The following CIB3 variants were observed in gnomAD, a reference collection of about 807,000 sequenced individuals.
The protein encoded by CIB3 is calcium and integrin-binding family member 3.
In CIB3, 22 loss-of-function variants were observed where a neutral mutation model predicts 23.4. The ratio of observed to expected loss-of-function variants is 0.94; its 90% CI spans 0.67 to 1.34. The LOEUF is 1.34. Ranked by LOEUF, CIB3 falls within the 40% of genes most tolerant of loss-of-function variation. The pLI is 0.00. For synonymous variants in CIB3, 93 were observed against 95.8 expected (o/e 0.97, Z 0.17); for missense variants, 258 against 247.3 (o/e 1.04, Z -0.29).
chr19:16,164,275 G>A (rs1412595980), intron 5 of CIB3, among the ~76,000 whole-genome samples: 1 of 152,144 alleles, frequency 6.6e-6, no homozygotes, highest in Non-Finnish European at 1.5e-5. Context: ...CCACCTGGTT[G>A]GAATATTATT....
rs2091313145 is a variant in CIB3 at position 16,168,155 on chromosome 19, A to C, written c.328T>G (p.Tyr110Asp). 1 of 1,609,868 alleles carries C rather than the reference A, an allele frequency of 6.2e-7. No individual in the cohort carries two copies. Among genetic ancestry groups the C allele is most frequent in the East Asian group, 2.2e-5 (1 of 44,832 alleles). Residue 110 changes from tyrosine to aspartate, a missense_variant, in exon 4 of 6, where the codon TAT (tyrosine) becomes GAT (aspartate). Tyr to Asp is a radical substitution (Grantham distance 160). Transcript: ENST00000269878. ...CACGCACCATAAATTTTAAAAGCAT[A>C]GTAAGCCTTGAGGTCGCGGGGAGCC... The part of the protein sequence containing the change: ...EMAPRDLKAY[Y>D]AFKIYDFNND...
rs765716625 is a variant in CIB3, at chr19:16,173,517, C to T, written c.-42G>A. 1.3e-6 allele frequency: 2 copies of T among 1,575,484 alleles called. No homozygotes were observed. Among genetic ancestry groups the T allele is most frequent in the East Asian group, 2.2e-5 (1 of 44,652 alleles). On this transcript the variant is annotated 5_prime_UTR_variant, in exon 1 of 6. Coordinates refer to ENST00000269878, the MANE Select transcript of CIB3 (RefSeq NM_054113.4). ...CAGACTTGGGGATGCACCCCAAAGG[C>T]TCCCAGCTTCCTCGGGGCCACACGG...
intron 4 of CIB3, among the ~76,000 whole-genome samples, chr19:16,165,839 C>A (rs1451734545): frequency 6.6e-6 from 1 of 152,154 alleles, no homozygotes; most frequent in Non-Finnish European, 1.5e-5. Context: ...TGAGCATCTA[C>A]TATGTGTCAG....
intron 4 of CIB3, among the ~76,000 whole-genome samples, chr19:16,165,254 C>T (rs2091301227): frequency 1.5e-5 from 2 of 134,122 alleles, no homozygotes; most frequent in Admixed American, 8.6e-5. Context: ...GATCTCACCA[C>T]TGCACTCCAG....
intron 4 of CIB3, among the ~76,000 whole-genome samples, chr19:16,166,698 T>A (rs2091306975): frequency 1.3e-5 from 2 of 152,236 alleles, no homozygotes; most frequent in South Asian, 4.1e-4. Context: ...GATAACTTTT[T>A]CATTCATTCA....
Position 16,163,642 on chromosome 19 carries a change from A to T in CIB3, c.542+1076T>A, listed in dbSNP as rs1391381616. Among the ~76,000 whole-genome samples the T allele has an allele frequency of 4.6e-5, 7 of 152,368 alleles. No homozygotes were observed. The East Asian group carries it at 1.3e-3, about 29-fold the overall frequency. On this transcript the variant is annotated intron_variant, in intron 5 of 5. Coordinates refer to ENST00000269878, the MANE Select transcript of CIB3 (RefSeq NM_054113.4). ...TTTGTCAATTCAAAAAATAAAAAATAAAGTGAAATTTAAAAATTATAAGAT... is the reference window on the plus strand; with the variant it reads ...TTTGTCAATTCAAAAAATAAAAAATTAAGTGAAATTTAAAAATTATAAGAT...
Position 16,164,663 on chromosome 19 carries a change from G to A in CIB3, c.542+55C>T, listed in dbSNP as rs562507976. The A allele has an allele frequency of 7.8e-5, 116 of 1,491,140 alleles. 2 individuals are homozygous for A. The South Asian group carries it at 8.2e-4, about 11-fold the overall frequency. The allele number at this position is 1,491,140 out of a possible 1,614,324, so 92.4% of individuals were successfully genotyped here. ...GAAACAGAGTCTGTGAACTGTCTGCGTAAGAGCCCCTTCAGATGTGCAAAT... is the reference window on the plus strand; with the variant it reads ...GAAACAGAGTCTGTGAACTGTCTGCATAAGAGCCCCTTCAGATGTGCAAAT... On this transcript the variant is annotated intron_variant, in intron 5 of 5. Transcript: ENST00000269878.
intron 4 of CIB3, 66 bp from the exon 5 acceptor site, chr19:16,164,979 T>C: frequency 7.5e-7 from 1 of 1,337,624 alleles, no homozygotes; most frequent in East Asian, 2.3e-5. Context: ...TGTGGGCACA[T>C]ACTGTGCCCA....
chr19:16,173,397 A>G, intron 1 of CIB3, 28 bp downstream of exon 1: 1 of 1,609,082 alleles, frequency 6.2e-7, no homozygotes, highest in South Asian at 1.1e-5. Context: ...TGTCAAACCC[A>G]CTGAGGACCC....
rs138083978 is a variant in CIB3, at chr19:16,173,446, G to C, written c.30C>G (p.His10Gln). 61 of 1,613,828 alleles carry C rather than the reference G, an allele frequency of 3.8e-5. No individual in the cohort carries two copies. Among genetic ancestry groups the C allele is most frequent in the Non-Finnish European group, 5.0e-5 (59 of 1,179,880 alleles). MGNKQTVFT[H>Q]EQLEAYQDCT... The stretch of plus-strand genomic sequence containing the variant: ...CTACCTGATACGCTTCCAGCTGCTC[G>C]TGTGTGAAGACTGTCTGCTTGTTGC... The change falls in exon 1 of 6, where the codon CAC becomes CAG. Residue 10 changes from histidine to glutamine, a missense_variant. Coordinates refer to ENST00000269878, the MANE Select transcript of CIB3 (RefSeq NM_054113.4).
chr19:16,171,552 G>A (rs2091328342), intron 2 of CIB3, among the ~76,000 whole-genome samples: 1 of 152,130 alleles, frequency 6.6e-6, no homozygotes, highest in South Asian at 2.1e-4. Flanking sequence ...TCCCTGTCGG[G>A]GTCCCATCAG....
intron 4 of CIB3, among the ~76,000 whole-genome samples, chr19:16,165,695 G>C (rs200113451): frequency 1.3e-5 from 2 of 152,048 alleles, no homozygotes; most frequent in Non-Finnish European, 2.9e-5. Context: ...CACCCACCTC[G>C]GTCTCCCAAA....
At chr19:16,169,885 T>G in intron 2 of CIB3, 144 bp from the exon 3 acceptor site, 3 of 595,854 alleles carry the variant, frequency 5.0e-6, no homozygotes, top group Non-Finnish European at 8.3e-6. Context: ...CTGTAACCTC[T>G]GCCTCCCGGG....
intron 4 of CIB3, among the ~76,000 whole-genome samples, chr19:16,166,707 C>T (rs1458371071): frequency 6.6e-6 from 1 of 152,202 alleles, no homozygotes; most frequent in African/African-American, 2.4e-5. Flanking sequence ...TTCATTCATT[C>T]ATTCATGCAA....
intron 4 of CIB3, 47 bp downstream of exon 4, chr19:16,168,090 T>C: frequency 1.7e-5 from 13 of 777,138 alleles, no homozygotes; most frequent in Non-Finnish European, 2.3e-5. Flanking sequence ...CAGTTCCCAC[T>C]CCCCACCCCA....
chr19:16,170,923 G>C (rs2091325459), intron 2 of CIB3, among the ~76,000 whole-genome samples: 1 of 152,074 alleles, frequency 6.6e-6, no homozygotes, highest in Admixed American at 6.6e-5. Flanking sequence ...TGGATCACGA[G>C]GACAGGAGAT....
intron 5 of CIB3, among the ~76,000 whole-genome samples, chr19:16,162,652 G>A (rs2091289332): frequency 1.3e-5 from 2 of 151,704 alleles, no homozygotes; most frequent in Non-Finnish European, 2.9e-5. Flanking sequence ...TACTCGGGAG[G>A]CTGAGGCAGG....
At chr19:16,167,241 C>CA (rs964915186) in intron 4 of CIB3, among the ~76,000 whole-genome samples, 24 of 151,628 alleles carry the variant, frequency 1.6e-4, no homozygotes, top group East Asian at 5.8e-4. Context: ...AACACACACA[C>CA]AAAAAAAACA....
intron 5 of CIB3, among the ~76,000 whole-genome samples, chr19:16,164,145 T>C (rs1363760100): frequency 6.6e-6 from 1 of 152,030 alleles, no homozygotes; most frequent in Non-Finnish European, 1.5e-5. Flanking sequence ...TATTTATTTA[T>C]TTATTTATTT....
Sources: allele counts gnomAD v4.1 joint callset (sites outside exome capture counted in the v4.1 genomes callset), GRCh38; gene constraint gnomAD v4.1.1; transcripts MANE v1.5; gene names NCBI Gene and HGNC (gene_info 2026-07-23, HGNC 2026-07-21).